The following BNIP5 variants were observed in gnomAD, a reference collection of about 807,000 sequenced individuals.
The protein encoded by BNIP5 is BCL2 interacting protein 5.
A neutral mutation model predicts 67.3 loss-of-function variants in BNIP5; 61 were observed. The observed-to-expected ratio is 0.91, with a 90% confidence interval of 0.74 to 1.12. The LOEUF is 1.12. BNIP5 is among the 50% of genes most tolerant of loss of function. The probability of loss-of-function intolerance (pLI) is 0.00; values close to 1 mark genes in which losing one functional copy is unlikely to be tolerated. For synonymous variants in BNIP5, 317 were observed against 319.0 expected, an observed-to-expected ratio of 0.99 and a Z score of 0.07; for missense variants, 826 against 816.3, an observed-to-expected ratio of 1.01 and a Z score of -0.14.
intron 6 of BNIP5, 91 bp from the exon 7 acceptor site, chr6:36,324,281 G>T: frequency 4.3e-6 from 5 of 1,159,994 alleles, no homozygotes; most frequent in Non-Finnish European, 6.4e-6. Flanking sequence ...GTGGCTCCCT[G>T]GGTGATTCTC....
Position 36,322,296 on chromosome 6 carries a change from A to T in BNIP5, c.1603+15T>A. 6.2e-7 allele frequency: 1 copy of T among 1,613,926 alleles called. No individual in the cohort carries two copies. The highest frequency in any genetic ancestry group is 8.5e-7 in the Non-Finnish European group (1 of 1,179,884). ...CCCGGGAAGCTGTCCAGGTAAGAGCAGGGGTGTTACTGACTAGATTCACAT... is the reference window on the plus strand; with the variant it reads ...CCCGGGAAGCTGTCCAGGTAAGAGCTGGGGTGTTACTGACTAGATTCACAT... On this transcript the variant is annotated intron_variant, in intron 9 of 11. Coordinates refer to ENST00000437635, the MANE Select transcript of BNIP5 (RefSeq NM_001010903.5).
Position 36,330,463 on chromosome 6 carries a change from G to T in BNIP5, c.228C>A (p.Pro76=). Reference sequence around the variant, plus strand: ...GAAAATCTCCGGTCTCCTCGGGAGTGGGGGCTGCAGCGGTGGTGCAGTGAG... The same window carrying T: ...GAAAATCTCCGGTCTCCTCGGGAGTTGGGGCTGCAGCGGTGGTGCAGTGAG... The part of the protein sequence containing the change: ...AEAHCTTAAA[P]TPEETGDFLP... Residue 76 remains proline, a synonymous_variant, in exon 2 of 12, where the codon CCC becomes CCA. Coordinates refer to ENST00000437635, the MANE Select transcript of BNIP5 (RefSeq NM_001010903.5). 6 of 1,614,174 alleles carry T rather than the reference G, an allele frequency of 3.7e-6. No homozygotes were observed. Among genetic ancestry groups the T allele is most frequent in the Non-Finnish European group, 5.1e-6 (6 of 1,180,046 alleles).
chr6:36,319,899 ATTT>A (rs1430550210), intron 10 of BNIP5, among the ~76,000 whole-genome samples: 3 of 152,306 alleles, frequency 2.0e-5, no homozygotes, highest in African/African-American at 7.2e-5. Flanking sequence ...GCCATTCCAT[ATTT>A]GACAAATAAT....
rs1771882975 is a variant in BNIP5, at chr6:36,330,650, T to C, written c.41A>G (p.Lys14Arg). ...CGGCCTGTCCAGAGACCTGGCTTTC[T>C]TCTCCGCCAGGGGCCTCCTTGGGCA... ...PRCPRRPLAEKKARSLDRPQA... is the reference protein window; with the variant it reads ...PRCPRRPLAERKARSLDRPQA... The change falls in exon 2 of 12, where the codon AAG (lysine) becomes AGG (arginine). Residue 14 changes from lysine to arginine, a missense_variant. Lys to Arg is a conservative substitution (Grantham distance 26). Transcript: ENST00000437635. 2 of 1,600,832 alleles carry C rather than the reference T, an allele frequency of 1.2e-6. No homozygotes were observed. The highest frequency in any genetic ancestry group is 1.7e-6 in the Non-Finnish European group (2 of 1,177,802).
chr6:36,336,768 A>G lies in BNIP5; in HGVS notation c.-61T>C, dbSNP rs1037472882. The G allele has an allele frequency of 2.0e-5, 3 of 152,272 alleles. No individual in the cohort carries two copies. Among genetic ancestry groups the G allele is most frequent in the African/African-American group, 4.8e-5 (2 of 41,456 alleles). 9.4% of individuals were successfully genotyped at this position (152,272 alleles called of 1,614,324 possible). A position where few individuals can be genotyped will look rare whatever the true frequency, so the allele number is the denominator to read the frequency against. On this transcript the variant is annotated 5_prime_UTR_variant, in exon 1 of 12. Transcript: ENST00000437635. ...CACCCTGGGCTGGGATCTTCAGACA[A>G]GAGGTCTCTGTGTTAGGCTCTGCTC...
At chr6:36,330,854 C>T (rs962990536) in intron 1 of BNIP5, among the ~76,000 whole-genome samples, 160 bp from the exon 2 acceptor site, 1 of 152,186 alleles carries the variant, frequency 6.6e-6, no homozygotes, top group Non-Finnish European at 1.5e-5. Flanking sequence ...ACCTCTACCT[C>T]CTGGGTTCAA....
Position 36,316,245 on chromosome 6 carries a change from T to C in BNIP5, c.*1111A>G, listed in dbSNP as rs1771511818. 5.7e-6 allele frequency: 2 copies of C among 348,512 alleles called. No individual in the cohort carries two copies. Among genetic ancestry groups the C allele is most frequent in the Admixed American group, 4.8e-5 (1 of 21,014 alleles). 21.6% of individuals were successfully genotyped at this position (348,512 alleles called of 1,614,324 possible). The stretch of plus-strand genomic sequence containing the variant: ...TAACACCCTTTCCCCCATGACCACA[T>C]GTTCTGGGCAGTGTCCAAGGGAGCC... On this transcript the variant is annotated 3_prime_UTR_variant, in exon 12 of 12. Transcript: ENST00000437635.
intron 11 of BNIP5, among the ~76,000 whole-genome samples, chr6:36,317,787 C>T (rs1200725943): frequency 6.6e-6 from 1 of 151,532 alleles, no homozygotes; most frequent in East Asian, 1.9e-4. Context: ...ACATAGGAGG[C>T]TGTCAATAGC....
At chr6:36,336,468 G>C (rs1173451934) in intron 1 of BNIP5, among the ~76,000 whole-genome samples, 1 of 152,098 alleles carries the variant, frequency 6.6e-6, no homozygotes, top group African/African-American at 2.4e-5. Context: ...GTCCGAGTGA[G>C]CCCAGAGCCC....
In BNIP5 at chr6:36,323,480, G is replaced by C. The variant is rs752551445; in HGVS notation, c.1284C>G (p.Cys428Trp). ...EVGVENPAPH[C>W]RRKSQEKRSS... The stretch of plus-strand genomic sequence containing the variant: ...ACCTTTTTTCTTGAGATTTCCTTCT[G>C]CAGTGTGGGGCCGGGTTTTCTACAC... Residue 428 changes from cysteine to tryptophan, a missense_variant, in exon 8 of 12, where the codon TGC (cysteine) becomes TGG (tryptophan). Coordinates refer to ENST00000437635, the MANE Select transcript of BNIP5 (RefSeq NM_001010903.5). 4 of 1,614,120 alleles carry C rather than the reference G, an allele frequency of 2.5e-6. No homozygotes were observed. In the Admixed American group the frequency reaches 6.7e-5, roughly 27 times the overall value.
intron 1 of BNIP5, among the ~76,000 whole-genome samples, chr6:36,331,622 C>T (rs1582136633): frequency 1.3e-5 from 2 of 152,352 alleles, no homozygotes; most frequent in South Asian, 2.1e-4. Flanking sequence ...TCAGTGGCAA[C>T]TCTTTTCTTC....
chr6:36,325,857 C>T (rs1287445907), intron 5 of BNIP5, among the ~76,000 whole-genome samples: 1 of 152,186 alleles, frequency 6.6e-6, no homozygotes, highest in Non-Finnish European at 1.5e-5. Context: ...ACCTGTTCTC[C>T]CTGATGCCCA....
chr6:36,316,965 T>C lies in BNIP5; in HGVS notation c.*391A>G, dbSNP rs1771527973. The C allele has an allele frequency of 2.4e-6, 1 of 422,880 alleles. No individual in the cohort carries two copies. The highest frequency in any genetic ancestry group is 4.2e-6 in the Non-Finnish European group (1 of 240,688). The allele number at this position is 422,880 out of a possible 1,614,324, so 26.2% of individuals were successfully genotyped here. On this transcript the variant is annotated 3_prime_UTR_variant, in exon 12 of 12. Transcript: ENST00000437635. ...TTTAGAGATTAAATAAAAATTTAGT[T>C]TAAAAACTAGACTCAGTTAACATGA...
In BNIP5 at chr6:36,316,748, AT is replaced by A. The variant is rs1206632194; in HGVS notation, c.*607del. On this transcript the variant is annotated 3_prime_UTR_variant, in exon 12 of 12. Transcript: ENST00000437635. Reference sequence around the variant, plus strand: ...TCAGCTCCATTTCTCTAGTCATAGAATGACAGGACACAGGGTTAGAAGGATT... The same window carrying A: ...TCAGCTCCATTTCTCTAGTCATAGAAGACAGGACACAGGGTTAGAAGGATT... 5.0e-6 allele frequency: 2 copies of A among 398,718 alleles called. No homozygotes were observed. The highest frequency in any genetic ancestry group is 8.8e-6 in the Non-Finnish European group (2 of 226,240). 24.7% of individuals were successfully genotyped at this position (398,718 alleles called of 1,614,324 possible). A position where few individuals can be genotyped will look rare whatever the true frequency, so the allele number is the denominator to read the frequency against.
intron 1 of BNIP5, among the ~76,000 whole-genome samples, chr6:36,334,038 C>T (rs1189792148): frequency 1.3e-5 from 2 of 152,230 alleles, no homozygotes; most frequent in Non-Finnish European, 2.9e-5. Flanking sequence ...ATGCAGTAAT[C>T]TTTTAAAAAG....
chr6:36,321,059 T>C, intron 10 of BNIP5, 96 bp downstream of exon 10: 1 of 732,950 alleles, frequency 1.4e-6, no homozygotes, highest in Non-Finnish European at 2.4e-6. Context: ...TTAAGGGACA[T>C]GCTCAAAGTT....
At chr6:36,326,933 G>A (rs1484783568) in intron 4 of BNIP5, 97 bp downstream of exon 4, 2 of 1,399,974 alleles carry the variant, frequency 1.4e-6, no homozygotes, top group Non-Finnish European at 2.0e-6. Context: ...GGGAAGGAAT[G>A]GACTAGAGCC....
chr6:36,334,706 A>C (rs1018346962), intron 1 of BNIP5, among the ~76,000 whole-genome samples: 1 of 152,088 alleles, frequency 6.6e-6, no homozygotes. Flanking sequence ...TAATCCTAAT[A>C]ACCTCCCCTT....
rs1232911748 is a variant in BNIP5, at chr6:36,321,181, C to G, written c.1642G>C (p.Glu548Gln). 1 of 1,596,990 alleles carries G rather than the reference C, an allele frequency of 6.3e-7. No individual in the cohort carries two copies. The highest frequency in any genetic ancestry group is 1.7e-5 in the Admixed American group (1 of 57,812). The change falls in exon 10 of 12, where the codon GAA becomes CAA. Residue 548 changes from glutamate to glutamine, a missense_variant. By Grantham distance (29) the Glu-to-Gln change is conservative. Transcript: ENST00000437635. ...IIQKLVALLQ[E>Q]VDGQLGQQIR... ...TGCTGCCCCAGTTGGCCATCCACTT[C>G]TTGGAGAAGTGCCACAAGCTTCTGG...
Sources: gnomAD v4.1 joint callset for allele counts (sites outside exome capture counted in the v4.1 genomes callset) on GRCh38, gnomAD v4.1.1 for gene constraint, MANE v1.5 for transcripts, NCBI Gene and HGNC (gene_info 2026-07-23, HGNC 2026-07-21) for gene names.